The following SMC4 variants were observed in gnomAD, a reference collection of about 807,000 sequenced individuals.
SMC4 encodes the protein structural maintenance of chromosomes 4, also known as structural maintenance of chromosomes protein 4.
SMC4 carries 87 observed loss-of-function variants against 145.6 expected under a neutral mutation model. The observed-to-expected ratio is 0.60, with a 90% CI of 0.50 to 0.71. The LOEUF (loss-of-function observed/expected upper bound fraction) is 0.71, where lower values mean the gene tolerates loss of function less well. Among genes scored for constraint, SMC4 ranks in the 30% least tolerant of loss-of-function variants. The probability of loss-of-function intolerance (pLI) is 0.00; values close to 1 mark genes in which losing one functional copy is unlikely to be tolerated. For missense variants in SMC4, 1,447 were observed against 1,537.1 expected (o/e 0.94, Z 0.98); for synonymous variants, 558 against 500.7 (o/e 1.11, Z -1.53).
intron 4 of SMC4, among the ~76,000 whole-genome samples, chr3:160,403,288 G>C (rs1247967669): frequency 6.6e-6 from 1 of 152,068 alleles, no homozygotes; most frequent in African/African-American, 2.4e-5. Flanking sequence ...AGTGGCCCCT[G>C]AGTATCTGTG....
chr3:160,411,219 A>G (rs1051633864), intron 5 of SMC4, among the ~76,000 whole-genome samples: 1 of 152,200 alleles, frequency 6.6e-6, no homozygotes, highest in Admixed American at 6.5e-5. Context: ...TACAAACTGA[A>G]AGTTTTCTGA....
chr3:160,407,050 A>C (rs1715415373), intron 5 of SMC4, among the ~76,000 whole-genome samples: 1 of 152,158 alleles, frequency 6.6e-6, no homozygotes, highest in African/African-American at 2.4e-5. Flanking sequence ...TTTCTTGGGT[A>C]ACTATGACTT....
Position 160,423,847 on chromosome 3 carries a change from A to G in SMC4, c.2325+7A>G. On this transcript the variant is annotated splice_region_variant and intron_variant, in intron 15 of 23. Coordinates refer to ENST00000357388, the MANE Select transcript of SMC4 (RefSeq NM_001002800.3). ...TGAAATCTCTGAAGAAGAGGTCAGC[A>G]TATCTAAAATTGTATCCAGACTTTT... 1.3e-6 allele frequency: 2 copies of G among 1,595,336 alleles called. No individual in the cohort carries two copies. The highest frequency in any genetic ancestry group is 1.7e-6 in the Non-Finnish European group (2 of 1,172,574).
chr3:160,431,693 T>G lies in SMC4; in HGVS notation c.3165T>G (p.Ile1055Met). 1 of 1,611,362 alleles carries G rather than the reference T, an allele frequency of 6.2e-7. No individual in the cohort carries two copies. Among genetic ancestry groups the G allele is most frequent in the Admixed American group, 1.7e-5 (1 of 58,984 alleles). Residue 1055 changes from isoleucine (I) to methionine (M), a missense_variant, in exon 21 of 24, where the codon ATT becomes ATG. By Grantham distance (10) the Ile-to-Met change is conservative. Coordinates refer to ENST00000357388, the MANE Select transcript of SMC4 (RefSeq NM_001002800.3). ...HPIEDNPIEE[I>M]SVLSPEDLEA... ...TAGAAGATAATCCTATTGAAGAGAT[T>G]TCGGTTCTAAGCCCAGAGGATCTTG...
intron 21 of SMC4, among the ~76,000 whole-genome samples, chr3:160,432,062 C>T (rs533936540): frequency 2.0e-5 from 3 of 152,264 alleles, no homozygotes; most frequent in East Asian, 3.9e-4. Context: ...ATTAGCCAGG[C>T]GTTGTGGCAC....
At chr3:160,432,189 A>G (rs1718484203) in intron 21 of SMC4, 94 bp from the exon 22 acceptor site, 1 of 1,015,040 alleles carries the variant, frequency 9.9e-7, no homozygotes. Flanking sequence ...GCGTCAGGGC[A>G]AGACTACGTC....
At chr3:160,416,219 G>A in intron 9 of SMC4, 32 bp from the exon 10 acceptor site, 1 of 1,488,570 alleles carries the variant, frequency 6.7e-7, no homozygotes, top group Non-Finnish European at 9.0e-7. Flanking sequence ...ACATAAAGAT[G>A]TATGCTCCTA....
intron 2 of SMC4, 99 bp downstream of exon 2, chr3:160,401,064 G>A: frequency 7.6e-7 from 1 of 1,318,860 alleles, no homozygotes; most frequent in South Asian, 1.9e-5. Context: ...GCGCGGAGTT[G>A]ACATCTGAAG....
chr3:160,431,665 C>T lies in SMC4; in HGVS notation c.3137C>T (p.Pro1046Leu). ...TAGATTTCAAAAATATCACTGCATC[C>T]TATAGAAGATAATCCTATTGAAGAG... ...HKEISKISLH[P>L]IEDNPIEEIS... Residue 1046 changes from proline to leucine, a missense_variant, in exon 21 of 24, where the codon CCT becomes CTT. Pro to Leu is a moderately conservative substitution (Grantham distance 98). Transcript: ENST00000357388. The T allele has an allele frequency of 6.2e-7, 1 of 1,601,728 alleles. No homozygotes were observed. The highest frequency in any genetic ancestry group is 8.5e-7 in the Non-Finnish European group (1 of 1,177,242).
rs577365349 is a variant in SMC4 at position 160,417,791 on chromosome 3, C to G, written c.1506C>G (p.Ala502=). Residue 502 remains alanine (A), a synonymous_variant, in exon 11 of 24, where the codon GCC becomes GCG. Transcript: ENST00000357388. ...VNEARSKMDV[A]QSELDIYLSR... ...AAGCACGTTCAAAGATGGATGTAGC[C>G]CAGTCAGAACTTGATATCTATCTCA... is the stretch of plus-strand genomic sequence containing the variant. 1.3e-5 allele frequency: 21 copies of G among 1,613,526 alleles called. No individual in the cohort carries two copies. The South Asian group carries it at 2.1e-4, about 16-fold the overall frequency.
chr3:160,411,137 A>T (rs753121000), intron 5 of SMC4, among the ~76,000 whole-genome samples: 81 of 152,234 alleles, frequency 5.3e-4, no homozygotes, highest in Non-Finnish European at 2.9e-4. Flanking sequence ...TTCATAATTA[A>T]ACTGCATAAA....
rs199550521 is a variant in SMC4 at position 160,412,422 on chromosome 3, A to G, written c.949A>G (p.Arg317Gly). 1.9e-6 allele frequency: 3 copies of G among 1,605,558 alleles called. No individual in the cohort carries two copies. In the East Asian group the frequency reaches 6.7e-5, roughly 36 times the overall value. ...EFLTLENEIF[R>G]KKNHVCQYYI... is the part of the protein sequence containing the mutation. ...TCTTACCTTGGAAAATGAAATATTT[A>G]GAAAAAAGAATCATGTTTGTCAATA... The change falls in exon 7 of 24, where the codon AGA becomes GGA. Residue 317 changes from arginine to glycine, a missense_variant. Coordinates refer to ENST00000357388, the MANE Select transcript of SMC4 (RefSeq NM_001002800.3).
chr3:160,413,635 C>A, intron 8 of SMC4, 22 bp downstream of exon 8: 1 of 1,225,698 alleles, frequency 8.2e-7, no homozygotes, highest in South Asian at 1.4e-5. Context: ...TTGGGAAGTA[C>A]TAAAAGTATT....
chr3:160,416,417 T>C lies in SMC4; in HGVS notation c.1437+2T>C. 6.9e-7 allele frequency: 1 copy of C among 1,443,266 alleles called. No individual in the cohort carries two copies. The highest frequency in any genetic ancestry group is 2.4e-5 in the Admixed American group (1 of 41,462). The allele number at this position is 1,443,266 out of a possible 1,614,324, so 89.4% of individuals were successfully genotyped here. On this transcript the variant is annotated splice_donor_variant, in intron 10 of 23. Coordinates refer to ENST00000357388, the MANE Select transcript of SMC4 (RefSeq NM_001002800.3). LOFTEE classifies it high-confidence loss of function. ...CAAGGGCTTCAGAAAGAAAAAGAAGTAAGTTTTTTTTTTTTATCAGTGTTT... is the reference window on the plus strand; with the variant it reads ...CAAGGGCTTCAGAAAGAAAAAGAAGCAAGTTTTTTTTTTTTATCAGTGTTT...
chr3:160,413,767 A>G (rs1716281322), intron 8 of SMC4, 154 bp downstream of exon 8: 2 of 472,340 alleles, frequency 4.2e-6, no homozygotes, highest in East Asian at 8.5e-5. Flanking sequence ...CTTGCCTTGC[A>G]TCCAGTTCCT....
chr3:160,400,764 G>A (rs1714502856), intron 1 of SMC4, 58 bp from the exon 2 acceptor site: 1 of 1,421,744 alleles, frequency 7.0e-7, no homozygotes, highest in Non-Finnish European at 9.1e-7. Context: ...CCCGGGTGGG[G>A]CGGGCGCGGT....
At chr3:160,401,390 C>T (rs1714632545) in intron 2 of SMC4, among the ~76,000 whole-genome samples, 1 of 152,046 alleles carries the variant, frequency 6.6e-6, no homozygotes, top group South Asian at 2.1e-4. Context: ...GTTAGATTGC[C>T]GTTAAAGAGA....
Position 160,401,979 on chromosome 3 carries a change from C to G in SMC4, c.204C>G (p.Pro68=), listed in dbSNP as rs1714732235. The G allele has an allele frequency of 1.2e-6, 2 of 1,606,680 alleles. No homozygotes were observed. Among genetic ancestry groups the G allele is most frequent in the African/African-American group, 2.7e-5 (2 of 74,350 alleles). The change falls in exon 3 of 24, where the codon CCC becomes CCG. Residue 68 remains proline, a synonymous_variant. Transcript: ENST00000357388. ...LEEILNSIPP[P]PPPAMTNEAG... ...AGATTTTGAACAGCATTCCTCCTCC[C>G]CCGCCTCCAGCAATGACCAATGAAG...
chr3:160,428,439 CATT>C (rs1190635754), intron 17 of SMC4, among the ~76,000 whole-genome samples: 27 of 152,226 alleles, frequency 1.8e-4, no homozygotes, highest in Non-Finnish European at 5.9e-5. Context: ...GGCTAAAAAT[CATT>C]ATGAACTCAG....
Sources: allele counts gnomAD v4.1 joint callset (sites outside exome capture counted in the v4.1 genomes callset), GRCh38; gene constraint gnomAD v4.1.1; transcripts MANE v1.5; gene names NCBI Gene and HGNC (gene_info 2026-07-23, HGNC 2026-07-21).